Variants in KLHL10 observed in about 807,000 individuals in gnomAD.
KLHL10 encodes the protein kelch-like protein 10.
In KLHL10, 11 loss-of-function variants were observed where a neutral mutation model predicts 46.6. That is an observed-to-expected ratio of 0.24 (90% CI 0.15 to 0.39). The LOEUF is 0.39. KLHL10 is among the 10% of genes least tolerant of loss of function. The pLI is 1.00. For missense variants in KLHL10, 475 were observed against 789.8 expected (o/e 0.60, Z 4.78); for synonymous variants, 254 against 279.1 (o/e 0.91, Z 0.90).
chr17:41,836,267 C>A (rs1327200812), upstream of KLHL10: 15 of 1,144,664 alleles, frequency 1.3e-5, no homozygotes, highest in African/African-American at 1.2e-4. Flanking sequence ...CGTCGCCTCC[C>A]GCCTGGAGCC....
In KLHL10 at chr17:41,848,301, T is replaced by C. The variant is rs1335466339; in HGVS notation, c.1821T>C (p.Pro607=). The change falls in exon 5 of 5, where the codon CCT becomes CCC. Residue 607 remains proline (P), a synonymous_variant. Coordinates refer to ENST00000293303, the MANE Select transcript of KLHL10 (RefSeq NM_152467.5). ...ATTCTGCTTCGACAAGTACCCTACC[T>C]GTATGAGCCTCTTCATTTAGCTAAT... ...VKYSASTSTL[P]V The C allele has an allele frequency of 2.5e-6, 4 of 1,608,460 alleles. No homozygotes were observed. The highest frequency in any genetic ancestry group is 3.4e-6 in the Non-Finnish European group (4 of 1,179,732).
At chr17:41,836,050 C>T (rs1253038907), upstream of KLHL10, 3 of 1,410,720 alleles carry the variant, frequency 2.1e-6, no homozygotes, top group Non-Finnish European at 2.8e-6. Flanking sequence ...TGAGGCGGGG[C>T]CGGGGTGCGC....
At chr17:41,843,542 A>C (rs2144131749) in intron 2 of KLHL10, among the ~76,000 whole-genome samples, 1 of 151,890 alleles carries the variant, frequency 6.6e-6, no homozygotes, top group Non-Finnish European at 1.5e-5. Flanking sequence ...TAAGTATTGC[A>C]CACAATTGTT....
Position 41,841,865 on chromosome 17 carries a change from A to T in KLHL10, c.237A>T (p.Val79=), listed in dbSNP as rs377742054. 6.2e-7 allele frequency: 1 copy of T among 1,614,112 alleles called. No homozygotes were observed. The highest frequency in any genetic ancestry group is 8.5e-7 in the Non-Finnish European group (1 of 1,180,050). Residue 79 remains valine (V), a synonymous_variant, in exon 2 of 5, where the codon GTA becomes GTT. Transcript: ENST00000293303. ...GCTGGAACAACACTGAAAAGAAGGT[A>T]TACAACATCCCTGGCATTTCTCCCG... ...TSGWNNTEKK[V]YNIPGISPDM...
At chr17:41,836,920 A>G (rs2048168702), upstream of KLHL10, among the ~76,000 whole-genome samples, 3 of 152,216 alleles carry the variant, frequency 2.0e-5, no homozygotes, top group Admixed American at 6.5e-5. Context: ...GGCTCTGTTA[A>G]CTAGGCCATT....
chr17:41,843,626 C>T (rs1373730631), intron 2 of KLHL10, among the ~76,000 whole-genome samples: 2 of 151,962 alleles, frequency 1.3e-5, no homozygotes, highest in Non-Finnish European at 2.9e-5. Flanking sequence ...CATGGTTTTT[C>T]TTGGTCTAAT....
intron 2 of KLHL10, among the ~76,000 whole-genome samples, chr17:41,843,977 G>A (rs1218575194): frequency 6.6e-6 from 1 of 151,710 alleles, no homozygotes; most frequent in Non-Finnish European, 1.5e-5. Context: ...TAGCCAGGAT[G>A]GTCTTGATCT....
chr17:41,837,813 C>G, upstream of KLHL10: 4 of 1,543,542 alleles, frequency 2.6e-6, no homozygotes, highest in Non-Finnish European at 3.5e-6. Flanking sequence ...CTTGGGTTGC[C>G]TGATAGACCC....
At chr17:41,838,749 C>T (rs577194964) in intron 1 of KLHL10, among the ~76,000 whole-genome samples, 7 of 149,170 alleles carry the variant, frequency 4.7e-5, no homozygotes, top group African/African-American at 1.5e-4. Context: ...AGTGCAATGG[C>T]GCCATCTCGG....
Position 41,845,610 on chromosome 17 carries a change from C to T in KLHL10, c.1169C>T (p.Ala390Val), listed in dbSNP as rs2144137086. The T allele has an allele frequency of 6.2e-7, 1 of 1,613,932 alleles. No homozygotes were observed. Among genetic ancestry groups the T allele is most frequent in the Non-Finnish European group, 8.5e-7 (1 of 1,179,858 alleles). Reference sequence around the variant, plus strand: ...ACAGTCCTCGGCAATTTTATTTATGCCATGGGAGGATTTGATGGCTACGTG... The same window carrying T: ...ACAGTCCTCGGCAATTTTATTTATGTCATGGGAGGATTTGATGGCTACGTG... ...SVTVLGNFIY[A>V]MGGFDGYVRL... The change falls in exon 3 of 5, where the codon GCC (alanine) becomes GTC (valine). Residue 390 changes from alanine (A) to valine (V), a missense_variant. Coordinates refer to ENST00000293303, the MANE Select transcript of KLHL10 (RefSeq NM_152467.5).
chr17:41,839,372 C>A (rs1293880361), intron 1 of KLHL10, among the ~76,000 whole-genome samples: 1 of 152,174 alleles, frequency 6.6e-6, no homozygotes, highest in Non-Finnish European at 1.5e-5. Context: ...CCCAAACCAA[C>A]CTTTGGGAAG....
At chr17:41,835,788 G>A (rs2048141439), upstream of KLHL10, 1 of 1,403,116 alleles carries the variant, frequency 7.1e-7, no homozygotes, top group Non-Finnish European at 9.9e-7. Flanking sequence ...AGCAAAGCGG[G>A]AAGGCCCAAT....
Position 41,845,428 on chromosome 17 carries a change from T to C in KLHL10, c.987T>C (p.Arg329=). Residue 329 remains arginine (R), a synonymous_variant, in exon 3 of 5, where the codon CGT becomes CGC. Coordinates refer to ENST00000293303, the MANE Select transcript of KLHL10 (RefSeq NM_152467.5). ...TTACTTGTGAGGAAGAGAGTCCCCG[T>C]GCCTACCATGGGGCAGCCTATTTGA... ...VNVTCEEESP[R]AYHGAAYLKG... 6.2e-7 allele frequency: 1 copy of C among 1,614,212 alleles called. No homozygotes were observed. Among genetic ancestry groups the C allele is most frequent in the Non-Finnish European group, 8.5e-7 (1 of 1,180,036 alleles).
intron 2 of KLHL10, among the ~76,000 whole-genome samples, chr17:41,844,319 C>T (rs2048259095): frequency 6.6e-6 from 1 of 151,808 alleles, no homozygotes; most frequent in Admixed American, 6.6e-5. Context: ...CAACCTCCAC[C>T]TCCCCAGTTC....
In KLHL10 at chr17:41,841,048, G is replaced by A. The variant is rs969178658; in HGVS notation, c.195-775G>A. Among the ~76,000 whole-genome samples, 3 of 151,860 alleles carry A rather than the reference G, an allele frequency of 2.0e-5. No individual in the cohort carries two copies. In the East Asian group the frequency reaches 5.8e-4, roughly 30 times the overall value. On this transcript the variant is annotated intron_variant, in intron 1 of 4. Coordinates refer to ENST00000293303, the MANE Select transcript of KLHL10 (RefSeq NM_152467.5). ...CCAGCTACTCAAGAGGCTGAGGCAGGAAAATTGCTTGCACTCTGGAGTTGG... is the reference window on the plus strand; with the variant it reads ...CCAGCTACTCAAGAGGCTGAGGCAGAAAAATTGCTTGCACTCTGGAGTTGG...
Position 41,845,713 on chromosome 17 carries a change from T to C in KLHL10, c.1272T>C (p.Ser424=), listed in dbSNP as rs782450362. The C allele has an allele frequency of 1.2e-4, 191 of 1,612,402 alleles. No individual in the cohort carries two copies. The highest frequency in any genetic ancestry group is 1.6e-4 in the Non-Finnish European group (183 of 1,179,466). The change falls in exon 3 of 5, where the codon AGT becomes AGC. Residue 424 remains serine (S), a synonymous_variant. Coordinates refer to ENST00000293303, the MANE Select transcript of KLHL10 (RefSeq NM_152467.5). The stretch of plus-strand genomic sequence containing the variant: ...TCGCCCCCATGCACGAACAGAGGAG[T>C]GATGCAAGCGCCACAACACTTTATG... ...TLIAPMHEQR[S]DASATTLYGK... is the part of the protein sequence containing the mutation.
At chr17:41,836,375 G>A, upstream of KLHL10, 1 of 1,224,386 alleles carries the variant, frequency 8.2e-7, no homozygotes, top group Non-Finnish European at 1.0e-6. Context: ...TGCCGGTTGC[G>A]CTAGGCAAAC....
chr17:41,836,212 G>C (rs1306275451), upstream of KLHL10: 7 of 1,240,524 alleles, frequency 5.6e-6, no homozygotes, highest in African/African-American at 4.7e-5. Context: ...AGGCCTGGTC[G>C]GCGGCTCGCG....
chr17:41,848,361 T>TA lies in KLHL10; in HGVS notation c.*61dup, dbSNP rs1222365659. 9.6e-6 allele frequency: 15 copies of TA among 1,567,256 alleles called. No homozygotes were observed. Among genetic ancestry groups the TA allele is most frequent in the African/African-American group, 2.7e-5 (2 of 73,582 alleles). On this transcript the variant is annotated 3_prime_UTR_variant, in exon 5 of 5. Transcript: ENST00000293303. ...AAGCAATAAGAATTAATTCTTTTTT[T>TA]AAAAAAATGCAGTGTTTAAACTTTG... is the stretch of plus-strand genomic sequence containing the variant.
Sources: allele counts gnomAD v4.1 joint callset (sites outside exome capture counted in the v4.1 genomes callset), GRCh38; gene constraint gnomAD v4.1.1; transcripts MANE v1.5; gene names NCBI Gene and HGNC (gene_info 2026-07-23, HGNC 2026-07-21).